RNF24: variants seen among roughly 807,000 people sequenced by gnomAD.
The protein encoded by RNF24 is ring finger protein 24.
RNF24 carries 14 observed loss-of-function variants against 20.0 expected under a neutral mutation model. The ratio of observed to expected loss-of-function variants is 0.70; its 90% CI spans 0.46 to 1.10. RNF24 has a LOEUF of 1.10. RNF24 is among the 50% of genes least tolerant of loss of function. The probability of loss-of-function intolerance (pLI) is 0.00; values close to 1 mark genes in which losing one functional copy is unlikely to be tolerated. For synonymous variants in RNF24, 45 were observed against 61.1 expected (o/e 0.74, Z 1.23); for missense variants, 124 against 177.6 (o/e 0.70, Z 1.71).
intron 1 of RNF24, among the ~76,000 whole-genome samples, chr20:4,013,815 T>C (rs1982657075): frequency 1.3e-5 from 2 of 152,206 alleles, no homozygotes; most frequent in African/African-American, 4.8e-5. Context: ...GGTGTGTTTC[T>C]TGTAAATGAG....
At chr20:3,954,532 ACGTTTCTGTGT>A (rs2091119673) in intron 2 of RNF24, among the ~76,000 whole-genome samples, 1 of 152,072 alleles carries the variant, frequency 6.6e-6, no homozygotes, top group Non-Finnish European at 1.5e-5. Flanking sequence ...ATTTCTGTAC[ACGTTTCTGTGT>A]GGACATATAT....
chr20:4,005,712 A>G (rs1176479418), intron 1 of RNF24, among the ~76,000 whole-genome samples: 1 of 152,200 alleles, frequency 6.6e-6, no homozygotes, highest in Non-Finnish European at 1.5e-5. Flanking sequence ...CAATAAAGAG[A>G]TACAGGTAGC....
At position 3,930,543 on chromosome 20, in the gene RNF24, T is replaced by C. The variant is rs1239602014; in HGVS notation, c.*3520A>G. The stretch of plus-strand genomic sequence containing the variant: ...TAGCTAAGGAAGCTAAGGAAGAGAC[T>C]GAGAGGCTAACCTGCAGAAGGGCCT... On this transcript the variant is annotated 3_prime_UTR_variant, in exon 6 of 6. Coordinates refer to ENST00000358395, the MANE Select transcript of RNF24 (RefSeq NM_001134337.3). The C allele has an allele frequency of 3.3e-5, 5 of 152,228 alleles. No homozygotes were observed. Among genetic ancestry groups the C allele is most frequent in the African/African-American group, 1.2e-4 (5 of 41,446 alleles). The allele number at this position is 152,228 out of a possible 1,614,324, so 9.4% of individuals were successfully genotyped here.
chr20:3,936,190 C>G (rs910782433), intron 4 of RNF24, among the ~76,000 whole-genome samples: 3 of 152,186 alleles, frequency 2.0e-5, no homozygotes, highest in African/African-American at 7.2e-5. Context: ...GTATGACAGA[C>G]AGGACCTTCA....
chr20:3,966,131 C>A (rs1484003379), intron 1 of RNF24, among the ~76,000 whole-genome samples: 2 of 27,474 alleles, frequency 7.3e-5, no homozygotes. Flanking sequence ...GAGATTCCAT[C>A]TCAAAAAAAA....
rs2090822007 is a variant in RNF24, at chr20:3,931,471, T to A, written c.*2592A>T. ...AATGAGAATTAAAGGAGGATGTAAA[T>A]TAAAAGGCCTGTTTGTCTGTACAGC... On this transcript the variant is annotated 3_prime_UTR_variant, in exon 6 of 6. Coordinates refer to ENST00000358395, the MANE Select transcript of RNF24 (RefSeq NM_001134337.3). The A allele has an allele frequency of 6.6e-6, 1 of 152,170 alleles. No individual in the cohort carries two copies. The highest frequency in any genetic ancestry group is 2.1e-4 in the South Asian group (1 of 4,834). 9.4% of individuals were successfully genotyped at this position (152,170 alleles called of 1,614,324 possible).
At chr20:3,976,642 G>A (rs1266489869) in intron 1 of RNF24, among the ~76,000 whole-genome samples, 1 of 152,150 alleles carries the variant, frequency 6.6e-6, no homozygotes, top group African/African-American at 2.4e-5. Flanking sequence ...CATTCAATGG[G>A]TGAACGATTA....
chr20:4,011,698 GC>G (rs1206718556), intron 1 of RNF24, among the ~76,000 whole-genome samples: 189 of 152,316 alleles, frequency 1.2e-3, no homozygotes, highest in African/African-American at 4.3e-3. Context: ...TAATTCAGGA[GC>G]AACAAAAGTT....
At chr20:3,957,407 A>G (rs1367732893) in intron 2 of RNF24, among the ~76,000 whole-genome samples, 2 of 150,858 alleles carry the variant, frequency 1.3e-5, no homozygotes, top group African/African-American at 4.9e-5. Flanking sequence ...GCAGTAAGCT[A>G]TGATCATGAC....
chr20:4,008,487 A>T (rs1296475223), intron 1 of RNF24, among the ~76,000 whole-genome samples: 2 of 107,194 alleles, frequency 1.9e-5, no homozygotes, highest in African/African-American at 4.0e-5. Context: ...TATATAATAT[A>T]ATATAATATA....
chr20:4,005,174 A>AT (rs1981761767), intron 1 of RNF24, among the ~76,000 whole-genome samples: 1 of 15,444 alleles, frequency 6.5e-5, no homozygotes, highest in Admixed American at 4.4e-4. Flanking sequence ...TACTTCTTTG[A>AT]CATTTAGTTT....
At chr20:3,956,268 T>C (rs1231140913) in intron 2 of RNF24, among the ~76,000 whole-genome samples, 1 of 151,630 alleles carries the variant, frequency 6.6e-6, no homozygotes, top group East Asian at 1.9e-4. Flanking sequence ...TGTGTGTTTT[T>C]TTTTTTTTAA....
intron 1 of RNF24, 115 bp downstream of exon 1, chr20:4,015,322 A>C (rs1304625185): frequency 6.6e-6 from 1 of 151,702 alleles, no homozygotes; most frequent in African/African-American, 2.4e-5. Flanking sequence ...TGTGTGTGGG[A>C]GGCTGGCGCG....
chr20:3,948,119 G>A lies in RNF24; in HGVS notation c.186+118C>T. On this transcript the variant is annotated intron_variant, in intron 3 of 5. Transcript: ENST00000358395. ...ATATTATACTGCAAATTGGCAGTGA[G>A]ATGCTAAAATGAACACAAGTAAATT... 5 of 696,542 alleles carry A rather than the reference G, an allele frequency of 7.2e-6. 1 individual carries two copies. The highest frequency in any genetic ancestry group is 1.7e-5 in the South Asian group (1 of 59,128). The allele number at this position is 696,542 out of a possible 1,614,324, so 43.1% of individuals were successfully genotyped here.
intron 4 of RNF24, among the ~76,000 whole-genome samples, chr20:3,942,261 TG>T (rs2090965903): frequency 6.7e-6 from 1 of 148,520 alleles, no homozygotes; most frequent in Non-Finnish European, 1.5e-5. Flanking sequence ...CTAAACCTCC[TG>T]GGCTCAAGCA....
At chr20:3,964,668 G>A (rs965006926) in intron 1 of RNF24, among the ~76,000 whole-genome samples, 13 of 151,988 alleles carry the variant, frequency 8.6e-5, no homozygotes, top group African/African-American at 1.5e-4. Flanking sequence ...GACTACAGGC[G>A]CGTGCCACCA....
In RNF24 at chr20:3,946,693, CAA is replaced by C. The variant is rs59440287; in HGVS notation, c.187-1477_187-1476del. Among the ~76,000 whole-genome samples the C allele has an allele frequency of 1.9e-3, 200 of 104,378 alleles. 1 individual carries two copies. Among genetic ancestry groups the C allele is most frequent in the African/African-American group, 2.3e-3 (59 of 25,604 alleles). 68.5% of individuals were successfully genotyped at this position (104,378 alleles called of 152,430 possible). A position where few individuals can be genotyped will look rare whatever the true frequency, so the allele number is the denominator to read the frequency against. On this transcript the variant is annotated intron_variant, in intron 3 of 5. Transcript: ENST00000358395. ...CCAGTCTGGGTGACAGAGACCCCGT[CAA>C]AAAAAAAAAAAAAAAAAGATTATGA...
At chr20:3,997,580 C>T (rs773527148) in intron 1 of RNF24, among the ~76,000 whole-genome samples, 2 of 151,524 alleles carry the variant, frequency 1.3e-5, no homozygotes, top group Non-Finnish European at 3.0e-5. Flanking sequence ...ACATGTGCTA[C>T]CACGCCCAGC....
rs764326697 is a variant in RNF24 at position 3,927,748 on chromosome 20, A to T, written c.*6315T>A. On this transcript the variant is annotated 3_prime_UTR_variant, in exon 6 of 6. Transcript: ENST00000358395. Reference sequence around the variant, plus strand: ...GGGAGGGAAGGGCAGATGGAGAGGAACGGTGTGCAGTGGGCGTGAGATGCA... The same window carrying T: ...GGGAGGGAAGGGCAGATGGAGAGGATCGGTGTGCAGTGGGCGTGAGATGCA... The T allele has an allele frequency of 6.6e-6, 1 of 152,232 alleles. No homozygotes were observed. Among genetic ancestry groups the T allele is most frequent in the African/African-American group, 2.4e-5 (1 of 41,452 alleles). 9.4% of individuals were successfully genotyped at this position (152,232 alleles called of 1,614,324 possible). A position where few individuals can be genotyped will look rare whatever the true frequency, so the allele number is the denominator to read the frequency against.
Sources: allele counts gnomAD v4.1 joint callset (sites outside exome capture counted in the v4.1 genomes callset), GRCh38; gene constraint gnomAD v4.1.1; transcripts MANE v1.5; gene names NCBI Gene and HGNC (gene_info 2026-07-23, HGNC 2026-07-21).